BLM: variants seen among roughly 807,000 people sequenced by gnomAD.
BLM encodes the protein recQ-like DNA helicase BLM.
A neutral mutation model predicts 135.3 loss-of-function variants in BLM; 95 were observed. The observed-to-expected ratio is 0.70, with a 90% CI of 0.59 to 0.83. BLM has a LOEUF of 0.83. Among genes scored for constraint, BLM ranks in the 40% least tolerant of loss-of-function variants. The pLI, the probability that BLM is intolerant of heterozygous loss-of-function variation, is 0.00. For missense variants in BLM, 1,518 were observed against 1,663.9 expected (o/e 0.91, Z 1.53); for synonymous variants, 520 against 589.2 (o/e 0.88, Z 1.70).
At chr15:90,738,177 A>G (rs1895267624) in intron 1 of BLM, among the ~76,000 whole-genome samples, 1 of 152,208 alleles carries the variant, frequency 6.6e-6, no homozygotes, top group African/African-American at 2.4e-5. Flanking sequence ...ATCACCCAAC[A>G]AAGAAAAGCT....
chr15:90,740,621 A>G (rs1002373116), intron 1 of BLM, among the ~76,000 whole-genome samples: 1 of 152,186 alleles, frequency 6.6e-6, no homozygotes, highest in South Asian at 2.1e-4. Flanking sequence ...GCTGGGTTAC[A>G]TGGTGATATG....
intron 13 of BLM, among the ~76,000 whole-genome samples, chr15:90,783,752 G>T (rs976847842): frequency 2.6e-5 from 4 of 152,136 alleles, no homozygotes; most frequent in Non-Finnish European, 5.9e-5. Context: ...TTATCCAGAC[G>T]TGGTGGCACG....
At chr15:90,718,319 C>T (rs960279812) in intron 1 of BLM, among the ~76,000 whole-genome samples, 1 of 152,158 alleles carries the variant, frequency 6.6e-6, no homozygotes, top group Non-Finnish European at 1.5e-5. Flanking sequence ...AACTAAGCGC[C>T]TGATTTTAAA....
chr15:90,810,980 A>T (rs764778663), intron 20 of BLM, among the ~76,000 whole-genome samples: 6 of 152,200 alleles, frequency 3.9e-5, no homozygotes, highest in Non-Finnish European at 7.3e-5. Context: ...AAATTTTTTT[A>T]ATGAATTCTG....
chr15:90,807,025 TAAAAGTTCACATTC>T (rs1175685593), intron 19 of BLM, among the ~76,000 whole-genome samples: 3 of 152,260 alleles, frequency 2.0e-5, no homozygotes, highest in African/African-American at 7.2e-5. Context: ...TAGGTACTTA[TAAAAGTTCACATTC>T]AAAGCCTGAC....
chr15:90,811,290 C>T lies in BLM; in HGVS notation c.3960C>T (p.Pro1320=), dbSNP rs56009845. The change falls in exon 21 of 22, where the codon CCC becomes CCT. Residue 1320 remains proline, a synonymous_variant. Coordinates refer to ENST00000355112, the MANE Select transcript of BLM (RefSeq NM_000057.4). ...SAAEELDEEI[P]VSSHYFASKT... is the part of the protein sequence containing the mutation. ...CTGAGGAGCTCGACGAGGAAATACCCGTATCTTCCCACTACTTTGCAAGTA... is the reference window on the plus strand; with the variant it reads ...CTGAGGAGCTCGACGAGGAAATACCTGTATCTTCCCACTACTTTGCAAGTA... The T allele has an allele frequency of 9.0e-4, 1,450 of 1,614,150 alleles. 9 individuals carry two copies. The African/African-American group carries it at 0.017, about 19-fold the overall frequency.
intron 1 of BLM, among the ~76,000 whole-genome samples, chr15:90,735,271 A>ATATATATATATG (rs1326993080): frequency 7.2e-6 from 1 of 139,236 alleles, no homozygotes; most frequent in South Asian, 2.3e-4. Flanking sequence ...ATATATATAT[A>ATATATATATATG]TTTAAGTTAA....
intron 3 of BLM, among the ~76,000 whole-genome samples, chr15:90,751,477 G>C (rs1263982570): frequency 6.6e-6 from 1 of 152,222 alleles, no homozygotes; most frequent in Admixed American, 6.5e-5. Flanking sequence ...ATTTAAATAT[G>C]AGTGAAAAGT....
At chr15:90,792,083 C>CTTTT (rs35083164) in intron 15 of BLM, among the ~76,000 whole-genome samples, 1 of 143,294 alleles carries the variant, frequency 7.0e-6, no homozygotes, top group Admixed American at 7.0e-5. Flanking sequence ...TCTGAGACCA[C>CTTTT]TTTTTTTTTT....
chr15:90,776,469 A>C (rs1896479658), intron 12 of BLM, among the ~76,000 whole-genome samples: 1 of 152,120 alleles, frequency 6.6e-6, no homozygotes, highest in Non-Finnish European at 1.5e-5. Flanking sequence ...TTCCAATATG[A>C]TATTTTTGAC....
chr15:90,771,980 C>G (rs1456478762), intron 12 of BLM, among the ~76,000 whole-genome samples: 3 of 152,052 alleles, frequency 2.0e-5, no homozygotes, highest in Non-Finnish European at 4.4e-5. Flanking sequence ...GTCTCCAGCA[C>G]TTGGTACATA....
chr15:90,768,579 A>G (rs1443741738), intron 10 of BLM, among the ~76,000 whole-genome samples: 1 of 152,240 alleles, frequency 6.6e-6, no homozygotes, highest in Non-Finnish European at 1.5e-5. Flanking sequence ...TGAAGCAGAC[A>G]AAAGTTTGAG....
chr15:90,765,509 A>T (rs1896100793), intron 9 of BLM, 95 bp downstream of exon 9: 2 of 1,036,722 alleles, frequency 1.9e-6, no homozygotes, highest in Non-Finnish European at 2.9e-6. Flanking sequence ...GTGATTTGTA[A>T]AAAATAAAGC....
intron 12 of BLM, among the ~76,000 whole-genome samples, chr15:90,775,895 A>ATTGTTC (rs1896464979): frequency 6.6e-6 from 1 of 152,060 alleles, no homozygotes; most frequent in Non-Finnish European, 1.5e-5. Context: ...GTCTCGTTAT[A>ATTGTTC]TTGTTCGGGT....
chr15:90,808,477 T>C (rs1165476528), intron 19 of BLM, among the ~76,000 whole-genome samples: 1 of 152,228 alleles, frequency 6.6e-6, no homozygotes, highest in East Asian at 1.9e-4. Flanking sequence ...CACTCGCTCC[T>C]GCAATGGCTT....
At chr15:90,718,442 G>A (rs945765996) in intron 1 of BLM, among the ~76,000 whole-genome samples, 1 of 152,198 alleles carries the variant, frequency 6.6e-6, no homozygotes, top group Non-Finnish European at 1.5e-5. Context: ...AGCTCCTTGT[G>A]CCACCCATGC....
At chr15:90,797,589 AG>A (rs1897060276) in intron 16 of BLM, among the ~76,000 whole-genome samples, 1 of 152,108 alleles carries the variant, frequency 6.6e-6, no homozygotes, top group South Asian at 2.1e-4. Context: ...ATTAGAAGGT[AG>A]GGAGGGCTGC....
chr15:90,796,444 C>T lies in BLM; in HGVS notation c.3211-1746C>T, dbSNP rs1000448138. On this transcript the variant is annotated intron_variant, in intron 16 of 21. Transcript: ENST00000355112. ...ATATTGTACACTTCGCAGCCATAGT[C>T]TCTGTCACAACGACTCACAGCTTTG... Among the ~76,000 whole-genome samples the T allele has an allele frequency of 7.2e-5, 11 of 152,228 alleles. No homozygotes were observed. The South Asian group carries it at 1.2e-3, about 17-fold the overall frequency.
chr15:90,754,766 G>T, intron 4 of BLM, 45 bp from the exon 5 acceptor site: 1 of 1,596,254 alleles, frequency 6.3e-7, no homozygotes, highest in East Asian at 2.2e-5. Flanking sequence ...CATTTATTGA[G>T]TCTAGCCTAT....
Sources: allele counts gnomAD v4.1 joint callset (sites outside exome capture counted in the v4.1 genomes callset), GRCh38; gene constraint gnomAD v4.1.1; transcripts MANE v1.5; gene names NCBI Gene and HGNC (gene_info 2026-07-23, HGNC 2026-07-21).